Variants in AFF3 observed in about 807,000 individuals in gnomAD.
AFF3 encodes ALF transcription elongation factor 3.
A neutral mutation model predicts 129.7 loss-of-function variants in AFF3; 32 were observed. That is an observed-to-expected ratio of 0.25 (90% CI 0.19 to 0.33). AFF3 has a LOEUF of 0.33. Ranked by LOEUF, AFF3 falls within the 10% of genes least tolerant of loss-of-function variation. AFF3 has a pLI of 1.00. For missense variants in AFF3, 1,373 were observed against 1,592.0 expected, an observed-to-expected ratio of 0.86 and a Z score of 2.34; for synonymous variants, 644 against 635.4, an observed-to-expected ratio of 1.01 and a Z score of -0.20.
intron 2 of AFF3, among the ~76,000 whole-genome samples, chr2:100,119,958 C>A (rs1282713231): frequency 6.6e-6 from 1 of 152,198 alleles, no homozygotes; most frequent in Non-Finnish European, 1.5e-5. Context: ...TAAAGACTAT[C>A]CTGATGGGGA....
intron 7 of AFF3, among the ~76,000 whole-genome samples, chr2:99,843,322 G>T (rs1169810749): frequency 6.6e-6 from 1 of 152,138 alleles, no homozygotes; most frequent in Non-Finnish European, 1.5e-5. Flanking sequence ...ACCATCCCCT[G>T]TCAGGGGCTT....
chr2:99,675,399 G>A (rs911376918), intron 11 of AFF3, among the ~76,000 whole-genome samples: 6 of 152,100 alleles, frequency 3.9e-5, no homozygotes, highest in African/African-American at 7.2e-5. Flanking sequence ...AGACGACCAC[G>A]GCCATACCGC....
At chr2:99,986,921 T>C (rs934713055) in intron 7 of AFF3, among the ~76,000 whole-genome samples, 2 of 152,148 alleles carry the variant, frequency 1.3e-5, no homozygotes, top group Non-Finnish European at 2.9e-5. Context: ...AAACAAGTGG[T>C]GGTTGTTAAT....
intron 13 of AFF3, among the ~76,000 whole-genome samples, chr2:99,615,984 G>C (rs557774722): frequency 1.3e-5 from 2 of 152,218 alleles, no homozygotes; most frequent in African/African-American, 4.8e-5. Context: ...AGAATTGCCT[G>C]ATACTCTGAG....
chr2:100,117,754 G>C (rs1474446944), intron 2 of AFF3, among the ~76,000 whole-genome samples: 1 of 152,174 alleles, frequency 6.6e-6, no homozygotes, highest in Non-Finnish European at 1.5e-5. Flanking sequence ...TTTTTCTCCA[G>C]AGAGCATGTC....
intron 7 of AFF3, among the ~76,000 whole-genome samples, chr2:99,910,385 T>C (rs865786362): frequency 7.2e-5 from 11 of 152,194 alleles, no homozygotes; most frequent in Admixed American, 2.6e-4. Context: ...GTAGTAGCAT[T>C]TGGATATTAT....
chr2:99,724,271 C>CTTTCTTTTTTT lies in AFF3; in HGVS notation c.1091+2805_1091+2806insAAAAAAAGAAA, dbSNP rs1411290883. On this transcript the variant is annotated intron_variant, in intron 11 of 24. Transcript: ENST00000672756. ...TCCTCACTTCAGTGGAATGACCTTT[C>CTTTCTTTTTTT]TTTTTTTTTTTTTTTTTTTGAGACA... is the stretch of plus-strand genomic sequence containing the variant. Among the ~76,000 whole-genome samples the CTTTCTTTTTTT allele has an allele frequency of 5.4e-4, 36 of 66,870 alleles. 2 individuals carry two copies. Among genetic ancestry groups the CTTTCTTTTTTT allele is most frequent in the Admixed American group, 1.5e-3 (6 of 4,066 alleles). 43.9% of individuals were successfully genotyped at this position (66,870 alleles called of 152,430 possible).
chr2:100,025,368 A>AACT (rs1355628843), intron 4 of AFF3, among the ~76,000 whole-genome samples: 3 of 152,210 alleles, frequency 2.0e-5, no homozygotes, highest in Admixed American at 6.5e-5. Flanking sequence ...CTACAAGGAA[A>AACT]ACTACAAAAC....
At chr2:99,884,316 C>T (rs995713074) in intron 7 of AFF3, among the ~76,000 whole-genome samples, 3 of 152,122 alleles carry the variant, frequency 2.0e-5, no homozygotes, top group Non-Finnish European at 4.4e-5. Flanking sequence ...TTTCGTTGTA[C>T]GGCTTGAACA....
intron 13 of AFF3, among the ~76,000 whole-genome samples, chr2:99,629,197 C>T (rs1000806255): frequency 6.6e-6 from 1 of 152,170 alleles, no homozygotes; most frequent in Non-Finnish European, 1.5e-5. Context: ...CCAGAACTTC[C>T]AGTACTTTGT....
At chr2:99,868,323 T>C (rs915140137) in intron 7 of AFF3, among the ~76,000 whole-genome samples, 2 of 152,192 alleles carry the variant, frequency 1.3e-5, no homozygotes, top group Non-Finnish European at 2.9e-5. Flanking sequence ...TATCTGCTAA[T>C]CATGTCTTCA....
chr2:100,055,151 G>C (rs576670891), intron 4 of AFF3, among the ~76,000 whole-genome samples: 1 of 152,236 alleles, frequency 6.6e-6, no homozygotes, highest in South Asian at 2.1e-4. Flanking sequence ...TTCACTGGGT[G>C]TGGCCAAATC....
At chr2:99,986,322 A>C (rs1170501628) in intron 7 of AFF3, among the ~76,000 whole-genome samples, 1 of 151,458 alleles carries the variant, frequency 6.6e-6, no homozygotes, top group Non-Finnish European at 1.5e-5. Flanking sequence ...TTTAGCCACA[A>C]CCTCTTCAAG....
intron 4 of AFF3, among the ~76,000 whole-genome samples, chr2:100,079,649 G>A (rs1688881950): frequency 1.3e-5 from 2 of 152,010 alleles, no homozygotes; most frequent in Admixed American, 1.3e-4. Flanking sequence ...CTTTCTTGTG[G>A]CCCCCCAACA....
intron 7 of AFF3, among the ~76,000 whole-genome samples, chr2:99,925,555 T>C (rs573154890): frequency 6.6e-6 from 1 of 152,260 alleles, no homozygotes; most frequent in Admixed American, 6.5e-5. Context: ...GTGAAATGAG[T>C]GCTCTGCCAT....
chr2:99,977,415 C>T (rs1679000369), intron 7 of AFF3, among the ~76,000 whole-genome samples: 2 of 152,222 alleles, frequency 1.3e-5, no homozygotes, highest in South Asian at 2.1e-4. Context: ...CACTGTACCA[C>T]AGCCTCCACC....
intron 11 of AFF3, among the ~76,000 whole-genome samples, chr2:99,706,143 T>C (rs895869292): frequency 1.3e-5 from 2 of 152,114 alleles, no homozygotes; most frequent in African/African-American, 2.4e-5. Flanking sequence ...TGTTCAACCA[T>C]GTATGTATAT....
At chr2:100,001,724 G>C (rs192231791) in intron 7 of AFF3, among the ~76,000 whole-genome samples, 1 of 152,324 alleles carries the variant, frequency 6.6e-6, no homozygotes, top group African/African-American at 2.4e-5. Context: ...ACTGCGCCCA[G>C]CCCAAGTGCT....
chr2:99,964,084 A>G (rs1049077764), intron 7 of AFF3, among the ~76,000 whole-genome samples: 1 of 152,102 alleles, frequency 6.6e-6, no homozygotes, highest in Non-Finnish European at 1.5e-5. Flanking sequence ...ACAATCCTAA[A>G]AGTATATGCA....
Sources: gnomAD v4.1 joint callset for allele counts (sites outside exome capture counted in the v4.1 genomes callset) on GRCh38, gnomAD v4.1.1 for gene constraint, MANE v1.5 for transcripts, NCBI Gene and HGNC (gene_info 2026-07-23, HGNC 2026-07-21) for gene names.